The following ZNF75D variants were observed in gnomAD, a reference collection of about 807,000 sequenced individuals.
ZNF75D encodes zinc finger protein 75.
ZNF75D carries 33 observed loss-of-function variants against 33.3 expected under a neutral mutation model. The ratio of observed to expected loss-of-function variants is 0.99; its 90% CI spans 0.75 to 1.32. The LOEUF is 1.32. Ranked by LOEUF, ZNF75D falls within the 40% of genes most tolerant of loss-of-function variation. The pLI, the probability that ZNF75D is intolerant of heterozygous loss-of-function variation, is 0.00. For missense variants in ZNF75D, 338 were observed against 367.5 expected, an observed-to-expected ratio of 0.92 and a Z score of 0.66; for synonymous variants, 113 against 130.6, an observed-to-expected ratio of 0.87 and a Z score of 0.92.
Position 135,292,403 on chromosome X carries a change from C to T in ZNF75D, c.482G>A (p.Trp161Ter), listed in dbSNP as rs2084056605. 8.3e-7 allele frequency: 1 copy of T among 1,210,977 alleles called. No homozygotes were observed. Among genetic ancestry groups the T allele is most frequent in the Non-Finnish European group, 1.1e-6 (1 of 894,903 alleles). ...CATTGGTTGGGGCTCTGCTGGCTTCCACTTGAAGCCTGGGGCCACTGCTGT... is the reference window on the plus strand; with the variant it reads ...CATTGGTTGGGGCTCTGCTGGCTTCTACTTGAAGCCTGGGGCCACTGCTGT... ...GGTAVAPGFK[W>*]KPAEPQPMGV... The change falls in exon 4 of 7, where the codon TGG (tryptophan) becomes TAG (stop). Residue 161 changes from tryptophan to a stop codon, truncating the protein, a stop_gained. Transcript: ENST00000370766. LOFTEE classifies it high-confidence loss of function.
At chrX:135,310,203 G>T (rs782374473) in intron 1 of ZNF75D, among the ~76,000 whole-genome samples, 1 of 112,294 alleles carries the variant, frequency 8.9e-6, no homozygotes, top group African/African-American at 3.2e-5. Context: ...CCCCAGGAAA[G>T]TGGAATGCCC....
chrX:135,299,087 A>T (rs2084176432), intron 1 of ZNF75D, among the ~76,000 whole-genome samples: 1 of 112,391 alleles, frequency 8.9e-6, no homozygotes, highest in Non-Finnish European at 1.9e-5. Flanking sequence ...TAATGCTGCT[A>T]TGAACATTTG....
rs2084808452 is a variant in ZNF75D, at chrX:135,343,388, G to A, written c.-2011C>T. On this transcript the variant is annotated 5_prime_UTR_variant, in exon 1 of 7. Coordinates refer to ENST00000370766, the MANE Select transcript of ZNF75D (RefSeq NM_007131.5). Reference sequence around the variant, plus strand: ...GCTGTGGATGTCCTGGGACAGGATAGTCAGGAACTCCTCCAACACCAGCAA... The same window carrying A: ...GCTGTGGATGTCCTGGGACAGGATAATCAGGAACTCCTCCAACACCAGCAA... The A allele has an allele frequency of 7.2e-6, 1 of 138,857 alleles. No individual in the cohort carries two copies. Among genetic ancestry groups the A allele is most frequent in the Admixed American group, 6.5e-5 (1 of 15,384 alleles). The allele number at this position is 138,857 out of a possible 1,213,427, so 11.4% of individuals were successfully genotyped here. A position where few individuals can be genotyped will look rare whatever the true frequency, so the allele number is the denominator to read the frequency against.
chrX:135,314,221 TG>T lies in ZNF75D; in HGVS notation c.-390-18183del, dbSNP rs782417491. The stretch of plus-strand genomic sequence containing the variant: ...TAAAGGGATGTTGAGTCTTATCAAA[TG>T]TTTTTTTCTGCATCTATCAAGATGA... On this transcript the variant is annotated intron_variant, in intron 1 of 6. Coordinates refer to ENST00000370766, the MANE Select transcript of ZNF75D (RefSeq NM_007131.5). 1.4e-3 allele frequency among the ~76,000 whole-genome samples: 156 copies of T among 112,243 alleles called. 1 individual carries two copies. The highest frequency in any genetic ancestry group is 2.4e-3 in the Non-Finnish European group (125 of 53,091).
At chrX:135,278,747 C>A (rs909111184) in intron 1 of ZNF75D, among the ~76,000 whole-genome samples, 1 of 112,016 alleles carries the variant, frequency 8.9e-6, no homozygotes, top group Non-Finnish European at 1.9e-5. Context: ...TTGAGATAAT[C>A]ATGTGGTTTT....
chrX:135,316,492 T>C (rs1253811757), intron 1 of ZNF75D, among the ~76,000 whole-genome samples: 1 of 111,616 alleles, frequency 9.0e-6, no homozygotes, highest in South Asian at 3.7e-4. Context: ...CTTTTTGCAT[T>C]GTATGTTTGA....
chrX:135,288,275 G>A (rs782152537), intron 6 of ZNF75D, among the ~76,000 whole-genome samples: 1 of 112,136 alleles, frequency 8.9e-6, no homozygotes, highest in African/African-American at 3.2e-5. Flanking sequence ...TGTGACTAGC[G>A]CCAATGTGCA....
chrX:135,265,936 A>G (rs782730621), intron 1 of ZNF75D, among the ~76,000 whole-genome samples: 2 of 112,416 alleles, frequency 1.8e-5, no homozygotes, highest in South Asian at 3.7e-4. Flanking sequence ...AGAATAAGAC[A>G]TAACAAGAAA....
At chrX:135,328,140 T>C (rs1254213388) in intron 1 of ZNF75D, among the ~76,000 whole-genome samples, 6 of 111,687 alleles carry the variant, frequency 5.4e-5, no homozygotes, top group African/African-American at 2.0e-4. Context: ...CCTGAGGAAC[T>C]AAAATGACTA....
intron 1 of ZNF75D, among the ~76,000 whole-genome samples, chrX:135,319,224 T>G (rs972969714): frequency 1.8e-5 from 2 of 112,711 alleles, no homozygotes; most frequent in Non-Finnish European, 3.7e-5. Context: ...ATACCTACTA[T>G]TGAGTTCTCT....
chrX:135,329,280 A>G (rs372000109), intron 1 of ZNF75D, among the ~76,000 whole-genome samples: 2 of 111,667 alleles, frequency 1.8e-5, no homozygotes, highest in Non-Finnish European at 3.8e-5. Context: ...CTTTTTAAAA[A>G]TTATTTATTT....
At chrX:135,259,203 T>C (rs1244761200) in intron 1 of ZNF75D, among the ~76,000 whole-genome samples, 1 of 111,990 alleles carries the variant, frequency 8.9e-6, no homozygotes, top group African/African-American at 3.3e-5. Context: ...TGTAGCCCTG[T>C]AGTACACTTT....
chrX:135,325,324 C>T (rs1411518551), intron 1 of ZNF75D, among the ~76,000 whole-genome samples: 3 of 109,814 alleles, frequency 2.7e-5, no homozygotes, highest in Non-Finnish European at 5.8e-5. Flanking sequence ...TTGCTCTCGG[C>T]GCCTCCTCTG....
At chrX:135,256,400 C>T (rs1417579954) in intron 1 of ZNF75D, among the ~76,000 whole-genome samples, 50 of 110,247 alleles carry the variant, frequency 4.5e-4, no homozygotes, top group Non-Finnish European at 7.6e-4. Context: ...CAGGGTGCAG[C>T]CAGTGCCCAC....
chrX:135,261,573 T>A (rs1242557212), intron 1 of ZNF75D, among the ~76,000 whole-genome samples: 2 of 112,057 alleles, frequency 1.8e-5, no homozygotes, highest in African/African-American at 6.5e-5. Flanking sequence ...TCTCTTTTGA[T>A]CTTTGTTGGT....
At chrX:135,312,045 G>A (rs2084364525) in intron 1 of ZNF75D, among the ~76,000 whole-genome samples, 1 of 111,456 alleles carries the variant, frequency 9.0e-6, no homozygotes, top group South Asian at 3.8e-4. Context: ...TAGTACATTT[G>A]ATGTTAACTA....
intron 1 of ZNF75D, among the ~76,000 whole-genome samples, chrX:135,300,904 T>C (rs1271970635): frequency 8.9e-6 from 1 of 112,085 alleles, no homozygotes; most frequent in African/African-American, 3.2e-5. Flanking sequence ...GGCTTTATGC[T>C]GAACCATATG....
intron 1 of ZNF75D, among the ~76,000 whole-genome samples, chrX:135,272,551 A>T (rs1387494928): frequency 9.0e-6 from 1 of 110,669 alleles, no homozygotes; most frequent in African/African-American, 3.3e-5. Context: ...ACAGCATTTT[A>T]GGCTTATCTC....
intron 1 of ZNF75D, among the ~76,000 whole-genome samples, chrX:135,329,132 G>A (rs1053905743): frequency 7.1e-5 from 8 of 112,146 alleles, no homozygotes; most frequent in Non-Finnish European, 1.5e-4. Context: ...TCACTATGCT[G>A]TAAATTCTTC....
Sources: allele counts gnomAD v4.1 joint callset (sites outside exome capture counted in the v4.1 genomes callset), GRCh38; gene constraint gnomAD v4.1.1; transcripts MANE v1.5; gene names NCBI Gene and HGNC (gene_info 2026-07-23, HGNC 2026-07-21).